The following ACADM variants were observed in gnomAD, a reference collection of about 807,000 sequenced individuals.
The protein encoded by ACADM is acyl-CoA dehydrogenase medium chain.
A neutral mutation model predicts 58.9 loss-of-function variants in ACADM; 49 were observed. The ratio of observed to expected loss-of-function variants is 0.83; its 90% CI spans 0.66 to 1.06. ACADM has a LOEUF of 1.06. ACADM is among the 50% of genes least tolerant of loss of function. ACADM has a pLI of 0.00. For synonymous variants in ACADM, 160 were observed against 157.7 expected, an observed-to-expected ratio of 1.01 and a Z score of -0.11; for missense variants, 496 against 507.0, an observed-to-expected ratio of 0.98 and a Z score of 0.21.
chr1:75,762,737 G>T lies in ACADM; in HGVS notation c.1240G>T (p.Glu414Ter). Reference sequence around the variant, plus strand: ...AATTCAAAGACTTATTGTAGCCCGTGAACACATTGACAAGTACAAAAATTA... The same window carrying T: ...AATTCAAAGACTTATTGTAGCCCGTTAACACATTGACAAGTACAAAAATTA... ...SQIQRLIVAR[E>*]HIDKYKN The change falls in exon 12 of 12, where the codon GAA (glutamate) becomes TAA (stop). Residue 414 changes from glutamate (E) to a stop codon, truncating the protein, a stop_gained. Transcript: ENST00000370841. LOFTEE classifies it high-confidence loss of function. 6.2e-7 allele frequency: 1 copy of T among 1,606,784 alleles called. No individual in the cohort carries two copies.
intron 10 of ACADM, among the ~76,000 whole-genome samples, chr1:75,754,357 G>A (rs948696304): frequency 1.3e-5 from 2 of 151,720 alleles, no homozygotes; most frequent in African/African-American, 2.4e-5. Context: ...ACAGGTGCCC[G>A]CAACTGCACC....
chr1:75,758,919 C>A (rs1295632745), intron 10 of ACADM, among the ~76,000 whole-genome samples: 2 of 152,206 alleles, frequency 1.3e-5, no homozygotes, highest in African/African-American at 4.8e-5. Flanking sequence ...TGGTCCCTTT[C>A]CACGCTGTGG....
chr1:75,737,279 A>AATATAT (rs368688785), intron 6 of ACADM, among the ~76,000 whole-genome samples: 681 of 42,872 alleles, frequency 0.016, 17 homozygotes, highest in Non-Finnish European at 0.019. Context: ...CACACACACA[A>AATATAT]ATATATATAT....
At chr1:75,751,604 T>TTC (rs1469502585) in intron 10 of ACADM, among the ~76,000 whole-genome samples, 1 of 151,770 alleles carries the variant, frequency 6.6e-6, no homozygotes, top group African/African-American at 2.4e-5. Flanking sequence ...GTTCAAGTGA[T>TTC]TCTCCTGCCT....
At chr1:75,738,178 T>A (rs1146577) in intron 6 of ACADM, among the ~76,000 whole-genome samples, 2 of 151,920 alleles carry the variant, frequency 1.3e-5, no homozygotes, top group African/African-American at 4.8e-5. Flanking sequence ...GGCCTCCCAA[T>A]GTGCTGGAAT....
chr1:75,731,986 T>C (rs972463527), intron 2 of ACADM, among the ~76,000 whole-genome samples: 4 of 152,076 alleles, frequency 2.6e-5, no homozygotes, highest in African/African-American at 9.7e-5. Context: ...ACCCTGTATC[T>C]ACAAAAATTA....
At chr1:75,729,454 TG>T (rs1455506564) in intron 2 of ACADM, among the ~76,000 whole-genome samples, 7 of 91,900 alleles carry the variant, frequency 7.6e-5, no homozygotes, top group Admixed American at 2.2e-4. Flanking sequence ...AAAGTTTCTG[TG>T]TTTTTTTTTT....
At chr1:75,762,079 C>G (rs929990245) in intron 11 of ACADM, among the ~76,000 whole-genome samples, 1 of 152,182 alleles carries the variant, frequency 6.6e-6, no homozygotes, top group South Asian at 2.1e-4. Flanking sequence ...GTGCCTTATC[C>G]AAAGTCACAG....
At chr1:75,749,894 G>T (rs1648109698) in intron 9 of ACADM, among the ~76,000 whole-genome samples, 1 of 151,684 alleles carries the variant, frequency 6.6e-6, no homozygotes, top group Non-Finnish European at 1.5e-5. Flanking sequence ...TGTATTTTTA[G>T]TAGAGATGGG....
intron 10 of ACADM, among the ~76,000 whole-genome samples, chr1:75,758,925 T>C (rs1296572202): frequency 2.0e-5 from 3 of 152,240 alleles, no homozygotes; most frequent in South Asian, 2.1e-4. Flanking sequence ...CTTTCCACGC[T>C]GTGGAAGCTT....
intron 10 of ACADM, among the ~76,000 whole-genome samples, chr1:75,760,235 A>G (rs143290997): frequency 0.019 from 2,618 of 134,330 alleles, 107 homozygotes; most frequent in African/African-American, 0.066. Context: ...CCTGGCCAAC[A>G]TGGTGAAACC....
At chr1:75,753,961 T>C in intron 10 of ACADM, among the ~76,000 whole-genome samples, 1 of 5,274 alleles carries the variant, frequency 1.9e-4, no homozygotes, top group South Asian at 0.022. Context: ...ATGCTCAGCT[T>C]TTTTTTTTTT....
chr1:75,762,916 T>G lies in ACADM; in HGVS notation c.*153T>G, dbSNP rs988416850. 1 of 576,408 alleles carries G rather than the reference T, an allele frequency of 1.7e-6. No individual in the cohort carries two copies. Among genetic ancestry groups the G allele is most frequent in the African/African-American group, 1.9e-5 (1 of 52,988 alleles). The allele number at this position is 576,408 out of a possible 1,614,324, so 35.7% of individuals were successfully genotyped here. Reference sequence around the variant, plus strand: ...TATTATAGTAGTTTATACTTTTGCTTAACTCTGTTATGTCTCTTAAGCAGG... The same window carrying G: ...TATTATAGTAGTTTATACTTTTGCTGAACTCTGTTATGTCTCTTAAGCAGG... On this transcript the variant is annotated 3_prime_UTR_variant, in exon 12 of 12. Coordinates refer to ENST00000370841, the MANE Select transcript of ACADM (RefSeq NM_000016.6).
intron 10 of ACADM, among the ~76,000 whole-genome samples, chr1:75,754,368 C>T (rs1232271320): frequency 2.6e-5 from 4 of 151,810 alleles, no homozygotes; most frequent in East Asian, 1.9e-4. Context: ...CAACTGCACC[C>T]GGCTAATTTT....
intron 6 of ACADM, among the ~76,000 whole-genome samples, chr1:75,737,939 C>T (rs1146575): frequency 0.032 from 4,852 of 152,112 alleles, 251 homozygotes; most frequent in African/African-American, 0.11. Context: ...TTTTTTGAGA[C>T]GGAGTCTCGC....
Position 75,724,777 on chromosome 1 carries a change from C to T in ACADM, c.-11C>T. The T allele has an allele frequency of 1.3e-6, 2 of 1,523,624 alleles. No individual in the cohort carries two copies. Among genetic ancestry groups the T allele is most frequent in the Non-Finnish European group, 1.8e-6 (2 of 1,134,386 alleles). The allele number at this position is 1,523,624 out of a possible 1,614,324, so 94.4% of individuals were successfully genotyped here. A position where few individuals can be genotyped will look rare whatever the true frequency, so the allele number is the denominator to read the frequency against. On this transcript the variant is annotated 5_prime_UTR_variant, in exon 1 of 12. It adds an upstream start codon to the 5' untranslated region. Transcript: ENST00000370841. The stretch of plus-strand genomic sequence containing the variant: ...TGTATTATTGTCCGAGTGGCCGGAA[C>T]GGGAGCCAACATGGCAGCGGGGTTC...
intron 6 of ACADM, among the ~76,000 whole-genome samples, chr1:75,736,973 A>G (rs572258878): frequency 1.1e-3 from 163 of 152,194 alleles, no homozygotes; most frequent in African/African-American, 3.7e-3. Context: ...CCTTCTTTTT[A>G]CATGCTGTAA....
intron 5 of ACADM, chr1:75,734,500 A>G (rs1341312208): frequency 2.7e-6 from 1 of 371,070 alleles, no homozygotes; most frequent in Non-Finnish European, 5.2e-6. Flanking sequence ...AGGCCTGATC[A>G]TACATACTGT....
At chr1:75,759,450 A>G (rs569251670) in intron 10 of ACADM, among the ~76,000 whole-genome samples, 1 of 152,286 alleles carries the variant, frequency 6.6e-6, no homozygotes, top group East Asian at 1.9e-4. Flanking sequence ...ATGCCAGGGA[A>G]CAGGAACATA....
Sources: gnomAD v4.1 joint callset for allele counts (sites outside exome capture counted in the v4.1 genomes callset) on GRCh38, gnomAD v4.1.1 for gene constraint, MANE v1.5 for transcripts, NCBI Gene and HGNC (gene_info 2026-07-23, HGNC 2026-07-21) for gene names.